CDC14B: variants seen among roughly 807,000 people sequenced by gnomAD.
CDC14B encodes dual specificity protein phosphatase CDC14B.
In CDC14B, 22 loss-of-function variants were observed where a neutral mutation model predicts 64.2. That is an observed-to-expected ratio of 0.34 (90% CI 0.24 to 0.49). The LOEUF (loss-of-function observed/expected upper bound fraction) is 0.49. Among genes scored for constraint, CDC14B ranks in the 20% least tolerant of loss-of-function variants. The pLI is 0.99. For missense variants in CDC14B, 498 were observed against 629.9 expected (o/e 0.79, Z 2.24); for synonymous variants, 191 against 215.8 (o/e 0.89, Z 1.01).
chr9:96,573,924 G>A lies in CDC14B; in HGVS notation c.161-8441C>T, dbSNP rs1844634042. On this transcript the variant is annotated intron_variant, in intron 1 of 13. Coordinates refer to ENST00000375241, the MANE Select transcript of CDC14B (RefSeq NM_033331.4). ...GCACTTTGGGAGGCCGAGGTGGGCGGATCACGAGGTCAGGAGATGGAGACC... is the reference window on the plus strand; with the variant it reads ...GCACTTTGGGAGGCCGAGGTGGGCGAATCACGAGGTCAGGAGATGGAGACC... Among the ~76,000 whole-genome samples, 3 of 152,274 alleles carry A rather than the reference G, an allele frequency of 2.0e-5. No homozygotes were observed. The South Asian group carries it at 6.2e-4, about 32-fold the overall frequency.
intron 1 of CDC14B, among the ~76,000 whole-genome samples, chr9:96,596,087 G>C (rs967442997): frequency 2.0e-5 from 3 of 152,058 alleles, no homozygotes; most frequent in Non-Finnish European, 4.4e-5. Context: ...AAAAAGGCTG[G>C]GCATGATGGC....
intron 1 of CDC14B, chr9:96,618,461 T>C (rs779665982): frequency 1.9e-6 from 1 of 532,998 alleles, no homozygotes; most frequent in Non-Finnish European, 3.8e-6. Context: ...GAATCAGCAC[T>C]AACAGAACAG....
chr9:96,585,337 T>C (rs1315937256), intron 1 of CDC14B, among the ~76,000 whole-genome samples: 2 of 152,046 alleles, frequency 1.3e-5, no homozygotes, highest in Non-Finnish European at 2.9e-5. Context: ...ATTAGGTATT[T>C]GTCCTAATGC....
At chr9:96,577,111 C>T (rs922565064) in intron 1 of CDC14B, among the ~76,000 whole-genome samples, 3 of 151,746 alleles carry the variant, frequency 2.0e-5, no homozygotes, top group Non-Finnish European at 4.4e-5. Flanking sequence ...AATGAGCCGG[C>T]GTGGTGGCAT....
intron 1 of CDC14B, chr9:96,618,426 G>A: frequency 1.9e-6 from 1 of 520,314 alleles, no homozygotes; most frequent in Non-Finnish European, 3.9e-6. Context: ...TGCCAAATTG[G>A]ATTTATGAGT....
intron 1 of CDC14B, among the ~76,000 whole-genome samples, chr9:96,615,367 A>G (rs1014886943): frequency 6.6e-6 from 1 of 152,212 alleles, no homozygotes; most frequent in Non-Finnish European, 1.5e-5. Context: ...TAGTGATTAT[A>G]TAACAAATGA....
chr9:96,590,886 C>T (rs1183349670), intron 1 of CDC14B, among the ~76,000 whole-genome samples: 1 of 152,124 alleles, frequency 6.6e-6, no homozygotes, highest in Non-Finnish European at 1.5e-5. Context: ...TTTTCATACG[C>T]TCATTGGTCA....
intron 1 of CDC14B, among the ~76,000 whole-genome samples, chr9:96,595,853 G>T (rs1331777631): frequency 6.6e-6 from 1 of 152,118 alleles, no homozygotes; most frequent in Non-Finnish European, 1.5e-5. Flanking sequence ...TTTTTGAGGG[G>T]ATAATGAAAA....
At chr9:96,585,271 G>A (rs537387782) in intron 1 of CDC14B, among the ~76,000 whole-genome samples, 2 of 151,408 alleles carry the variant, frequency 1.3e-5, no homozygotes, top group Non-Finnish European at 2.9e-5. Context: ...TATACATGTG[G>A]CATGGTGGTT....
intron 9 of CDC14B, among the ~76,000 whole-genome samples, chr9:96,530,987 T>C (rs1215809157): frequency 1.3e-5 from 2 of 152,236 alleles, no homozygotes; most frequent in African/African-American, 4.8e-5. Context: ...CTTGTAATCA[T>C]GGGATAAATC....
intron 1 of CDC14B, among the ~76,000 whole-genome samples, chr9:96,576,123 A>G (rs1377949513): frequency 7.9e-5 from 12 of 151,526 alleles, no homozygotes; most frequent in African/African-American, 2.7e-4. Flanking sequence ...ACTAAAAACA[A>G]AAAAATTAAG....
rs921204582 is a variant in CDC14B at position 96,507,265 on chromosome 9, C to T, written c.1460+2408G>A. 8.4e-5 allele frequency among the ~76,000 whole-genome samples: 12 copies of T among 143,162 alleles called. No homozygotes were observed. In the East Asian group the frequency reaches 1.0e-3, roughly 12 times the overall value. The allele number at this position is 143,162 out of a possible 152,430, so 93.9% of individuals were successfully genotyped here. A position where few individuals can be genotyped will look rare whatever the true frequency, so the allele number is the denominator to read the frequency against. On this transcript the variant is annotated intron_variant, in intron 13 of 13. Coordinates refer to ENST00000375241, the MANE Select transcript of CDC14B (RefSeq NM_033331.4). Reference sequence around the variant, plus strand: ...CTGGAAGACGAAGTTTGCAGTGAGCCGAGAAAACACTACTGCTCTCCAGCC... The same window carrying T: ...CTGGAAGACGAAGTTTGCAGTGAGCTGAGAAAACACTACTGCTCTCCAGCC...
At chr9:96,572,985 C>T (rs1844561912) in intron 1 of CDC14B, among the ~76,000 whole-genome samples, 1 of 151,914 alleles carries the variant, frequency 6.6e-6, no homozygotes, top group African/African-American at 2.4e-5. Context: ...TCAAAACTGT[C>T]CTTGTTTGCA....
intron 9 of CDC14B, among the ~76,000 whole-genome samples, chr9:96,529,583 G>A (rs1015718610): frequency 3.4e-5 from 5 of 147,268 alleles, no homozygotes; most frequent in Admixed American, 7.0e-5. Flanking sequence ...CCTCAACCTC[G>A]CAGGTTCAAG....
chr9:96,617,149 A>C (rs934644050), intron 1 of CDC14B, among the ~76,000 whole-genome samples: 5 of 151,474 alleles, frequency 3.3e-5, no homozygotes, highest in African/African-American at 1.2e-4. Flanking sequence ...TATTGTGAAG[A>C]GCAAAAGAAC....
At chr9:96,545,024 C>A (rs188374146) in intron 5 of CDC14B, among the ~76,000 whole-genome samples, 4 of 152,308 alleles carry the variant, frequency 2.6e-5, no homozygotes, top group Admixed American at 2.6e-4. Flanking sequence ...AGGGCTACCC[C>A]ACATCTACTG....
intron 1 of CDC14B, among the ~76,000 whole-genome samples, chr9:96,615,396 G>T (rs1847563519): frequency 6.6e-6 from 1 of 151,990 alleles, no homozygotes; most frequent in Admixed American, 6.6e-5. Context: ...ACAAAAATAG[G>T]GATTAAGCAT....
intron 7 of CDC14B, among the ~76,000 whole-genome samples, chr9:96,536,094 G>A (rs1032611660): frequency 2.0e-5 from 3 of 152,200 alleles, no homozygotes; most frequent in Admixed American, 6.5e-5. Context: ...ATTCAGAGGA[G>A]CTGAAATAGG....
chr9:96,606,793 C>T (rs1015339503), intron 1 of CDC14B, among the ~76,000 whole-genome samples: 3 of 152,016 alleles, frequency 2.0e-5, no homozygotes, highest in Non-Finnish European at 2.9e-5. Context: ...CTCGAACTCT[C>T]GATCTCAGAT....
Sources: gnomAD v4.1 joint callset for allele counts (sites outside exome capture counted in the v4.1 genomes callset) on GRCh38, gnomAD v4.1.1 for gene constraint, MANE v1.5 for transcripts, NCBI Gene and HGNC (gene_info 2026-07-23, HGNC 2026-07-21) for gene names.